The following FCRL4 variants were observed in gnomAD, a reference collection of about 807,000 sequenced individuals.
The protein encoded by FCRL4 is Fc receptor like 4.
A neutral mutation model predicts 64.1 loss-of-function variants in FCRL4; 43 were observed. That is an observed-to-expected ratio of 0.67 (90% CI 0.53 to 0.87). The LOEUF (loss-of-function observed/expected upper bound fraction) is 0.87. FCRL4 is among the 40% of genes least tolerant of loss of function. FCRL4 has a pLI of 0.00. For missense variants in FCRL4, 656 were observed against 613.5 expected (o/e 1.07, Z -0.73); for synonymous variants, 253 against 239.8 (o/e 1.05, Z -0.51).
intron 6 of FCRL4, among the ~76,000 whole-genome samples, chr1:157,585,366 CTTTCTTTCTT>C (rs1177211437): frequency 9.8e-6 from 1 of 102,558 alleles, no homozygotes; most frequent in Non-Finnish European, 2.0e-5. Context: ...TTCTTTCTTT[CTTTCTTTCTT>C]TCTTTCTTTC....
At chr1:157,587,618 G>C in intron 4 of FCRL4, 58 bp from the exon 5 acceptor site, 1 of 1,550,066 alleles carries the variant, frequency 6.5e-7, no homozygotes, top group Non-Finnish European at 8.8e-7. Flanking sequence ...CTCTGTGAGA[G>C]ACAGGTTTGG....
At position 157,578,857 on chromosome 1, in the gene FCRL4, G is replaced by A; in HGVS notation, c.1278-5C>T. 6.2e-7 allele frequency: 1 copy of A among 1,609,802 alleles called. No homozygotes were observed. The highest frequency in any genetic ancestry group is 1.3e-5 in the African/African-American group (1 of 74,904). On this transcript the variant is annotated splice_polypyrimidine_tract_variant and splice_region_variant and intron_variant, in intron 8 of 11. Coordinates refer to ENST00000271532, the MANE Select transcript of FCRL4 (RefSeq NM_031282.3). The stretch of plus-strand genomic sequence containing the variant: ...GGGCCTGGAGCGGGAGGGAGCCTGT[G>A]AGACACAGAAACACATAATAATCCC...
chr1:157,583,243 A>C (rs1176092712), intron 6 of FCRL4, among the ~76,000 whole-genome samples: 1 of 152,148 alleles, frequency 6.6e-6, no homozygotes, highest in African/African-American at 2.4e-5. Flanking sequence ...GGGAAATACT[A>C]GTTCATATTT....
At chr1:157,580,462 G>T in intron 7 of FCRL4, 114 bp from the exon 8 acceptor site, 3 of 1,081,192 alleles carry the variant, frequency 2.8e-6, no homozygotes, top group Non-Finnish European at 4.3e-6. Context: ...TCAAACACCT[G>T]CCCAGTCCTG....
intron 2 of FCRL4, among the ~76,000 whole-genome samples, chr1:157,594,297 G>A (rs905966311): frequency 1.3e-5 from 2 of 152,210 alleles, no homozygotes; most frequent in South Asian, 4.1e-4. Flanking sequence ...AGGGAATAGG[G>A]ATTCTGGGAA....
intron 6 of FCRL4, among the ~76,000 whole-genome samples, chr1:157,585,419 T>C (rs565904150): frequency 2.7e-5 from 4 of 147,348 alleles, no homozygotes; most frequent in African/African-American, 1.0e-4. Context: ...TCTTTCTTTC[T>C]TTCCTTTTTC....
At chr1:157,582,993 C>A (rs918927093) in intron 6 of FCRL4, among the ~76,000 whole-genome samples, 5 of 152,180 alleles carry the variant, frequency 3.3e-5, no homozygotes, top group East Asian at 1.9e-4. Context: ...TCCTGGTAAC[C>A]CTATTTCCTA....
intron 7 of FCRL4, 67 bp from the exon 8 acceptor site, chr1:157,580,415 C>A: frequency 6.6e-7 from 1 of 1,526,046 alleles, no homozygotes; most frequent in South Asian, 1.1e-5. Context: ...CTTCATGTAA[C>A]AGGAGCTATC....
intron 6 of FCRL4, among the ~76,000 whole-genome samples, chr1:157,581,960 T>G (rs1273603634): frequency 6.6e-6 from 1 of 152,196 alleles, no homozygotes; most frequent in East Asian, 1.9e-4. Context: ...GGAGAGATAC[T>G]GTGGGATCAT....
At chr1:157,577,243 T>C (rs980822829) in intron 10 of FCRL4, among the ~76,000 whole-genome samples, 1 of 152,164 alleles carries the variant, frequency 6.6e-6, no homozygotes, top group African/African-American at 2.4e-5. Context: ...CCTCTTGAAC[T>C]TCTGAAGTGA....
intron 10 of FCRL4, among the ~76,000 whole-genome samples, chr1:157,578,037 G>C (rs575866430): frequency 4.6e-5 from 7 of 152,028 alleles, no homozygotes; most frequent in Non-Finnish European, 1.0e-4. Flanking sequence ...ACAGTAATTA[G>C]AGGAATATAA....
At chr1:157,581,922 G>T (rs1652570501) in intron 6 of FCRL4, among the ~76,000 whole-genome samples, 1 of 152,198 alleles carries the variant, frequency 6.6e-6, no homozygotes, top group Non-Finnish European at 1.5e-5. Context: ...TGGTAAGCTG[G>T]CTTCCTGCAA....
intron 7 of FCRL4, 90 bp from the exon 8 acceptor site, chr1:157,580,438 T>C (rs952618817): frequency 1.5e-6 from 2 of 1,351,710 alleles, no homozygotes; most frequent in Non-Finnish European, 2.1e-6. Context: ...AGAGAGGTAA[T>C]CAAGACAGTC....
At chr1:157,576,188 T>C (rs1322067864) in intron 10 of FCRL4, among the ~76,000 whole-genome samples, 1 of 152,170 alleles carries the variant, frequency 6.6e-6, no homozygotes, top group Non-Finnish European at 1.5e-5. Flanking sequence ...TTTCCTAGAG[T>C]TGGAGCCAGA....
chr1:157,586,350 T>A lies in FCRL4; in HGVS notation c.953A>T (p.Asp318Val), dbSNP rs1221618660. ...CTCTCGGTGCCAGGAGAATGTGGTA[T>A]CCCCTGTGCCTTCAGCCACGGAGCA... ...LVCSVAEGTG[D>V]TTFSWHREDM... The change falls in exon 6 of 12, where the codon GAT (aspartate) becomes GTT (valine). Residue 318 changes from aspartate to valine, a missense_variant. Coordinates refer to ENST00000271532, the MANE Select transcript of FCRL4 (RefSeq NM_031282.3). The A allele has an allele frequency of 3.7e-6, 6 of 1,613,512 alleles. No individual in the cohort carries two copies. The highest frequency in any genetic ancestry group is 3.4e-6 in the Non-Finnish European group (4 of 1,179,964).
At chr1:157,596,465 T>G in intron 1 of FCRL4, 117 bp from the exon 2 acceptor site, 1 of 1,125,674 alleles carries the variant, frequency 8.9e-7, no homozygotes, top group Non-Finnish European at 1.3e-6. Context: ...ACACGTTCCA[T>G]TCCATCCATC....
chr1:157,581,440 A>C (rs1270101639), intron 7 of FCRL4, 91 bp downstream of exon 7: 12 of 962,984 alleles, frequency 1.2e-5, no homozygotes, highest in Non-Finnish European at 1.8e-5. Flanking sequence ...GAGACTTGGG[A>C]GTGGTGGCCT....
intron 6 of FCRL4, among the ~76,000 whole-genome samples, chr1:157,585,328 C>T (rs983537879): frequency 2.6e-5 from 3 of 116,146 alleles, no homozygotes; most frequent in African/African-American, 7.1e-5. Flanking sequence ...CCTTCCTTCT[C>T]TCTTTCTTTC....
intron 2 of FCRL4, 81 bp downstream of exon 2, chr1:157,596,247 G>A: frequency 7.0e-7 from 1 of 1,433,352 alleles, no homozygotes; most frequent in East Asian, 2.3e-5. Flanking sequence ...TGGACAACAG[G>A]GACTCTTGTA....
Sources: allele counts gnomAD v4.1 joint callset (sites outside exome capture counted in the v4.1 genomes callset), GRCh38; gene constraint gnomAD v4.1.1; transcripts MANE v1.5; gene names NCBI Gene and HGNC (gene_info 2026-07-23, HGNC 2026-07-21).